Variants in SCFD2 observed in about 807,000 individuals in gnomAD.
SCFD2 encodes the protein sec1 family domain-containing protein 2.
SCFD2 carries 54 observed loss-of-function variants against 58.9 expected under a neutral mutation model. The ratio of observed to expected loss-of-function variants is 0.92; its 90% CI spans 0.74 to 1.15. The LOEUF (loss-of-function observed/expected upper bound fraction) is 1.15, where lower values mean the gene tolerates loss of function less well. Among genes scored for constraint, SCFD2 ranks in the 50% most tolerant of loss-of-function variants. The probability of loss-of-function intolerance (pLI) is 0.00; values close to 1 mark genes in which losing one functional copy is unlikely to be tolerated. For synonymous variants in SCFD2, 321 were observed against 335.9 expected, an observed-to-expected ratio of 0.96 and a Z score of 0.49; for missense variants, 805 against 836.6, an observed-to-expected ratio of 0.96 and a Z score of 0.47.
intron 4 of SCFD2, among the ~76,000 whole-genome samples, chr4:53,200,024 T>C (rs1375777985): frequency 6.6e-6 from 1 of 151,908 alleles, no homozygotes; most frequent in Non-Finnish European, 1.5e-5. Flanking sequence ...ATAAAGGCAT[T>C]AATCCTATCA....
chr4:53,209,954 T>C (rs1728556973), intron 4 of SCFD2, among the ~76,000 whole-genome samples: 1 of 152,112 alleles, frequency 6.6e-6, no homozygotes, highest in Non-Finnish European at 1.5e-5. Flanking sequence ...AGTTGATGTA[T>C]GTATGAATCT....
chr4:53,095,980 T>C (rs1161130178), intron 5 of SCFD2, among the ~76,000 whole-genome samples: 4 of 152,178 alleles, frequency 2.6e-5, no homozygotes, highest in Non-Finnish European at 4.4e-5. Flanking sequence ...TTTGGTTTTT[T>C]GTCCTTGCGG....
intron 3 of SCFD2, among the ~76,000 whole-genome samples, chr4:53,278,421 A>C (rs1731402670): frequency 6.6e-6 from 1 of 151,838 alleles, no homozygotes; most frequent in Non-Finnish European, 1.5e-5. Context: ...GCTCACCTAT[A>C]GTCCCAGCTA....
intron 5 of SCFD2, among the ~76,000 whole-genome samples, chr4:52,970,028 A>G (rs1721057509): frequency 6.6e-6 from 1 of 152,308 alleles, no homozygotes; most frequent in South Asian, 2.1e-4. Flanking sequence ...AAAGAAAACA[A>G]TTGGGGCGTG....
intron 4 of SCFD2, among the ~76,000 whole-genome samples, chr4:53,219,946 A>G (rs904334972): frequency 1.2e-4 from 18 of 151,952 alleles, no homozygotes; most frequent in African/African-American, 4.4e-4. Context: ...CCAAACACTC[A>G]CACCACAGCA....
At chr4:52,979,065 T>TGA (rs1553912519) in intron 5 of SCFD2, among the ~76,000 whole-genome samples, 5 of 146,892 alleles carry the variant, frequency 3.4e-5, no homozygotes, top group Non-Finnish European at 7.5e-5. Flanking sequence ...GGCCTTTTTT[T>TGA]GGGGGGGGGA....
At chr4:53,345,665 CTAT>C (rs1291788131) in intron 2 of SCFD2, among the ~76,000 whole-genome samples, 1 of 151,812 alleles carries the variant, frequency 6.6e-6, no homozygotes, top group Non-Finnish European at 1.5e-5. Flanking sequence ...TATTGTGGCA[CTAT>C]TTACAATAGC....
At chr4:53,069,851 A>G (rs553093745) in intron 5 of SCFD2, among the ~76,000 whole-genome samples, 1 of 152,164 alleles carries the variant, frequency 6.6e-6, no homozygotes, top group South Asian at 2.1e-4. Flanking sequence ...TAAAAACTAT[A>G]TTAGACATTC....
intron 5 of SCFD2, among the ~76,000 whole-genome samples, chr4:53,120,232 C>A (rs1725441058): frequency 6.6e-6 from 1 of 152,114 alleles, no homozygotes; most frequent in South Asian, 2.1e-4. Context: ...AAAAAAAGTT[C>A]TTAGTGGCAC....
Position 53,251,959 on chromosome 4 carries a change from C to T in SCFD2, c.1311+21867G>A, listed in dbSNP as rs1361470033. ...AAGTCAAATTGTCCCTGTTTGCAGA[C>T]GACATGAATGTATATCTAGAAAACC... On this transcript the variant is annotated intron_variant, in intron 4 of 8. Transcript: ENST00000401642. Among the ~76,000 whole-genome samples the T allele has an allele frequency of 9.7e-4, 147 of 152,132 alleles. 1 individual carries two copies. Among genetic ancestry groups the T allele is most frequent in the African/African-American group, 2.9e-3 (122 of 41,448 alleles).
At chr4:53,101,858 A>G (rs560641693) in intron 5 of SCFD2, among the ~76,000 whole-genome samples, 1 of 152,302 alleles carries the variant, frequency 6.6e-6, no homozygotes, top group Admixed American at 6.5e-5. Flanking sequence ...TTAAAAAAAA[A>G]CCAATAAGCT....
chr4:53,328,499 T>C (rs887495662), intron 2 of SCFD2, among the ~76,000 whole-genome samples: 4 of 152,092 alleles, frequency 2.6e-5, no homozygotes, highest in African/African-American at 9.7e-5. Flanking sequence ...GGGACAATAT[T>C]AACATCAAAG....
chr4:53,213,321 T>C (rs111596820), intron 4 of SCFD2, among the ~76,000 whole-genome samples: 4 of 152,118 alleles, frequency 2.6e-5, no homozygotes, highest in Non-Finnish European at 5.9e-5. Context: ...CTCTTGGAGA[T>C]GCATAGTGCC....
intron 5 of SCFD2, chr4:52,957,088 T>G (rs151057611): frequency 1.1e-4 from 17 of 152,120 alleles, no homozygotes; most frequent in African/African-American, 3.9e-4. Flanking sequence ...ACCCCACAAT[T>G]CCAGAAACCA....
At chr4:52,983,715 C>T (rs1721427220) in intron 5 of SCFD2, among the ~76,000 whole-genome samples, 1 of 152,120 alleles carries the variant, frequency 6.6e-6, no homozygotes, top group East Asian at 1.9e-4. Flanking sequence ...ATTCCCATGT[C>T]TAAAACTGTG....
intron 5 of SCFD2, among the ~76,000 whole-genome samples, chr4:53,019,884 G>A (rs1260406514): frequency 2.0e-5 from 3 of 152,100 alleles, no homozygotes; most frequent in Non-Finnish European, 2.9e-5. Flanking sequence ...CAAGCTACTC[G>A]GAGGTTTAAA....
intron 2 of SCFD2, among the ~76,000 whole-genome samples, chr4:53,325,523 C>T (rs959107183): frequency 5.8e-5 from 6 of 103,722 alleles, no homozygotes; most frequent in African/African-American, 2.1e-4. Flanking sequence ...GTTCTAGATA[C>T]CACATTTTAT....
intron 2 of SCFD2, among the ~76,000 whole-genome samples, chr4:53,334,214 C>A (rs950278353): frequency 1.1e-4 from 17 of 151,088 alleles, no homozygotes; most frequent in African/African-American, 4.1e-4. Context: ...GGATCTAGAA[C>A]TAGAAATACC....
chr4:53,231,106 G>T (rs1469075883), intron 4 of SCFD2, among the ~76,000 whole-genome samples: 1 of 151,954 alleles, frequency 6.6e-6, no homozygotes, highest in Admixed American at 6.6e-5. Flanking sequence ...AGGGACTATG[G>T]CATACTAAGA....
Sources: allele counts gnomAD v4.1 joint callset (sites outside exome capture counted in the v4.1 genomes callset), GRCh38; gene constraint gnomAD v4.1.1; transcripts MANE v1.5; gene names NCBI Gene and HGNC (gene_info 2026-07-23, HGNC 2026-07-21).